Variants in COL11A1 observed in about 807,000 individuals in gnomAD.
COL11A1 encodes collagen alpha-1(XI) chain.
Under a neutral mutation model 265.2 loss-of-function variants are expected in COL11A1, and 74 were observed. The ratio of observed to expected loss-of-function variants is 0.28; its 90% CI spans 0.23 to 0.34. The LOEUF is 0.34. Ranked by LOEUF, COL11A1 falls within the 10% of genes least tolerant of loss-of-function variation. The probability of loss-of-function intolerance (pLI) is 1.00; values close to 1 mark genes in which losing one functional copy is unlikely to be tolerated. For missense variants in COL11A1, 2,165 were observed against 2,263.6 expected, an observed-to-expected ratio of 0.96 and a Z score of 0.88; for synonymous variants, 816 against 727.6, an observed-to-expected ratio of 1.12 and a Z score of -1.96.
chr1:102,959,112 C>A (rs1199135869), intron 41 of COL11A1, among the ~76,000 whole-genome samples: 1 of 152,192 alleles, frequency 6.6e-6, no homozygotes, highest in Non-Finnish European at 1.5e-5. Flanking sequence ...GATCTATTCT[C>A]TCCTATCTCT....
intron 24 of COL11A1, among the ~76,000 whole-genome samples, chr1:102,998,789 C>T (rs1664862659): frequency 1.3e-5 from 2 of 151,792 alleles, no homozygotes; most frequent in Non-Finnish European, 2.9e-5. Flanking sequence ...ATTGATGAAA[C>T]ACCATTATTA....
chr1:102,964,046 AG>A (rs1661170422), intron 38 of COL11A1, among the ~76,000 whole-genome samples: 1 of 152,220 alleles, frequency 6.6e-6, no homozygotes, highest in Non-Finnish European at 1.5e-5. Context: ...AATTCAAGGA[AG>A]GTGCATCTTC....
chr1:103,099,574 A>G (rs1227351758), intron 1 of COL11A1, among the ~76,000 whole-genome samples: 1 of 151,524 alleles, frequency 6.6e-6, no homozygotes, highest in African/African-American at 2.4e-5. Context: ...GAAAGGTTCA[A>G]TAATGAATAT....
At chr1:102,890,584 C>G in intron 57 of COL11A1, 80 bp from the exon 58 acceptor site, 1 of 1,205,726 alleles carries the variant, frequency 8.3e-7, no homozygotes, top group South Asian at 1.5e-5. Flanking sequence ...AGTCACAGAC[C>G]TAGTTTAGTT....
intron 3 of COL11A1, among the ~76,000 whole-genome samples, chr1:103,077,230 T>G (rs1672044895): frequency 6.6e-6 from 1 of 152,076 alleles, no homozygotes; most frequent in Non-Finnish European, 1.5e-5. Flanking sequence ...TTTATTTTTA[T>G]TTTTTCATGT....
At chr1:103,003,405 A>T (rs1665315016) in intron 20 of COL11A1, 137 bp from the exon 21 acceptor site, 1 of 929,002 alleles carries the variant, frequency 1.1e-6, no homozygotes, top group Admixed American at 2.3e-5. Flanking sequence ...ACTGAAAGTG[A>T]TGTCCATAAC....
chr1:103,047,387 C>T (rs529849222), intron 4 of COL11A1, among the ~76,000 whole-genome samples: 104 of 152,236 alleles, frequency 6.8e-4, no homozygotes, highest in Non-Finnish European at 1.1e-3. Context: ...TGGGAATTCA[C>T]TCATGATTTG....
chr1:102,904,517 C>A (rs1245648913), intron 54 of COL11A1, among the ~76,000 whole-genome samples: 1 of 151,848 alleles, frequency 6.6e-6, no homozygotes, highest in Non-Finnish European at 1.5e-5. Context: ...TGAACTCAAA[C>A]AAATTTACAA....
intron 24 of COL11A1, among the ~76,000 whole-genome samples, chr1:102,999,402 C>G (rs1034556657): frequency 2.6e-5 from 4 of 151,916 alleles, no homozygotes; most frequent in Non-Finnish European, 5.9e-5. Context: ...CAAAGTTCCT[C>G]CCTTTAACTA....
At chr1:103,056,306 T>C (rs78419077) in intron 4 of COL11A1, among the ~76,000 whole-genome samples, 6 of 152,268 alleles carry the variant, frequency 3.9e-5, no homozygotes, top group African/African-American at 9.6e-5. Context: ...GAATTAAGCA[T>C]GTGTAACAGA....
At chr1:103,092,356 A>G (rs773275293) in intron 1 of COL11A1, among the ~76,000 whole-genome samples, 1 of 152,170 alleles carries the variant, frequency 6.6e-6, no homozygotes, top group Non-Finnish European at 1.5e-5. Flanking sequence ...AAAGTTAAGT[A>G]TGTCATGAAT....
intron 4 of COL11A1, among the ~76,000 whole-genome samples, chr1:103,047,354 A>C (rs1042690006): frequency 6.6e-6 from 1 of 152,038 alleles, no homozygotes; most frequent in Non-Finnish European, 1.5e-5. Flanking sequence ...TAGGTATTTT[A>C]TTCTCTTTGT....
intron 4 of COL11A1, among the ~76,000 whole-genome samples, chr1:103,069,421 A>G (rs766272108): frequency 1.1e-4 from 16 of 151,878 alleles, no homozygotes; most frequent in Non-Finnish European, 2.2e-4. Context: ...AAAATGGGTC[A>G]TGACCCATGT....
intron 59 of COL11A1, 72 bp from the exon 60 acceptor site, chr1:102,888,991 A>G (rs1337894092): frequency 1.4e-6 from 2 of 1,388,322 alleles, no homozygotes; most frequent in African/African-American, 2.8e-5. Context: ...TAACTTTTCA[A>G]TATTTTCATA....
At chr1:102,913,571 A>G in intron 53 of COL11A1, 66 bp downstream of exon 53, 1 of 1,414,504 alleles carries the variant, frequency 7.1e-7, no homozygotes, top group Middle Eastern at 1.8e-4. Flanking sequence ...GATTACTTCT[A>G]ATTATCTCAT....
chr1:103,040,927 G>C (rs1463218762), intron 4 of COL11A1, among the ~76,000 whole-genome samples: 1 of 151,374 alleles, frequency 6.6e-6, no homozygotes, highest in Non-Finnish European at 1.5e-5. Context: ...TTTACATTTA[G>C]AGCACATCTC....
Position 103,044,330 on chromosome 1 carries a change from T to C in COL11A1, c.652-13086A>G, listed in dbSNP as rs1669076711. Among the ~76,000 whole-genome samples the C allele has an allele frequency of 1.3e-5, 2 of 152,038 alleles. 1 individual carries two copies. The highest frequency in any genetic ancestry group is 4.1e-4 in the South Asian group (2 of 4,832). On this transcript the variant is annotated intron_variant, in intron 4 of 66. Transcript: ENST00000370096. ...TCAAAGGAAAAAATGAGGGAAACCATATAATCACAGACATAACTACTTCCC... is the reference window on the plus strand; with the variant it reads ...TCAAAGGAAAAAATGAGGGAAACCACATAATCACAGACATAACTACTTCCC...
At chr1:102,891,519 C>T (rs1457753307) in intron 57 of COL11A1, among the ~76,000 whole-genome samples, 1 of 151,454 alleles carries the variant, frequency 6.6e-6, no homozygotes, top group Non-Finnish European at 1.5e-5. Flanking sequence ...CTCTGTCCTG[C>T]CCCCCCGCCC....
intron 4 of COL11A1, 69 bp from the exon 5 acceptor site, chr1:103,031,313 CA>C: frequency 7.2e-6 from 11 of 1,534,114 alleles, no homozygotes; most frequent in Non-Finnish European, 9.7e-6. Context: ...ACACATATAC[CA>C]AAGCGAGATG....
Sources: allele counts gnomAD v4.1 joint callset (sites outside exome capture counted in the v4.1 genomes callset), GRCh38; gene constraint gnomAD v4.1.1; transcripts MANE v1.5; gene names NCBI Gene and HGNC (gene_info 2026-07-23, HGNC 2026-07-21).